The following ACACA variants were observed in gnomAD, a reference collection of about 807,000 sequenced individuals.
ACACA encodes acetyl-CoA carboxylase 1.
Under a neutral mutation model 296.1 loss-of-function variants are expected in ACACA, and 103 were observed. The ratio of observed to expected loss-of-function variants is 0.35; its 90% CI spans 0.30 to 0.41. The LOEUF (loss-of-function observed/expected upper bound fraction) is 0.41, where lower values mean the gene tolerates loss of function less well. Among genes scored for constraint, ACACA ranks in the 10% least tolerant of loss-of-function variants. The pLI is 1.00. For synonymous variants in ACACA, 953 were observed against 1,038.6 expected (o/e 0.92, Z 1.58); for missense variants, 1,554 against 2,989.7 (o/e 0.52, Z 11.20).
chr17:37,110,261 C>A (rs2073909417), intron 52 of ACACA, among the ~76,000 whole-genome samples: 1 of 152,206 alleles, frequency 6.6e-6, no homozygotes, highest in Non-Finnish European at 1.5e-5. Flanking sequence ...GTGGCTGAAG[C>A]TTTTAGAGCT....
chr17:37,406,287 T>A lies in ACACA; in HGVS notation c.13A>T (p.Thr5Ser), dbSNP rs754414174. The stretch of plus-strand genomic sequence containing the variant: ...CTAGCCCTCAAGATTGACATCAGAG[T>A]AGACCACCACATCCTCTCATCATTG... The part of the protein sequence containing the change: MWWS[T>S]LMSILRARSF... Residue 5 changes from threonine to serine, a missense_variant, in exon 1 of 56, where the codon ACT becomes TCT. Coordinates refer to ENST00000616317, the MANE Select transcript of ACACA (RefSeq NM_198834.3). The A allele has an allele frequency of 1.2e-6, 2 of 1,613,806 alleles. No homozygotes were observed. Among genetic ancestry groups the A allele is most frequent in the East Asian group, 4.5e-5 (2 of 44,880 alleles).
At chr17:37,335,586 C>T (rs2048080889) in intron 2 of ACACA, among the ~76,000 whole-genome samples, 1 of 152,158 alleles carries the variant, frequency 6.6e-6, no homozygotes, top group Non-Finnish European at 1.5e-5. Context: ...AAGATTTATA[C>T]AATCATGTCA....
chr17:37,265,290 C>T (rs987879082), intron 10 of ACACA, among the ~76,000 whole-genome samples: 2 of 152,116 alleles, frequency 1.3e-5, no homozygotes, highest in Admixed American at 1.3e-4. Context: ...GAGTTATTGT[C>T]GCCATCTCTT....
At chr17:37,112,177 G>A (rs77283061) in intron 51 of ACACA, among the ~76,000 whole-genome samples, 2,634 of 151,970 alleles carry the variant, frequency 0.017, 85 homozygotes, top group African/African-American at 0.061. Context: ...TCTGCCCAGC[G>A]CTATGGAAAT....
chr17:37,260,296 A>ATATT (rs2081443114), intron 11 of ACACA, among the ~76,000 whole-genome samples: 5 of 18,980 alleles, frequency 2.6e-4, no homozygotes, highest in Admixed American at 1.2e-3. Context: ...ATATATATAT[A>ATATT]TTTTTTTTTT....
At chr17:37,250,043 A>G (rs1263180371) in intron 16 of ACACA, among the ~76,000 whole-genome samples, 1 of 152,174 alleles carries the variant, frequency 6.6e-6, no homozygotes, top group Non-Finnish European at 1.5e-5. Flanking sequence ...GCCTTCCGCC[A>G]TGATTGTGAG....
At chr17:37,196,519 A>G (rs2078005087) in intron 35 of ACACA, among the ~76,000 whole-genome samples, 1 of 152,180 alleles carries the variant, frequency 6.6e-6, no homozygotes, top group South Asian at 2.1e-4. Context: ...TTGATTTAGA[A>G]TCTTATCATG....
intron 1 of ACACA, among the ~76,000 whole-genome samples, chr17:37,390,312 A>ATC: frequency 2.3e-5 from 1 of 42,882 alleles, no homozygotes; most frequent in African/African-American, 1.5e-4. Context: ...AATTATATAT[A>ATC]TATATATATA....
chr17:37,252,447 T>C (rs73982282), intron 15 of ACACA, among the ~76,000 whole-genome samples: 1 of 152,180 alleles, frequency 6.6e-6, no homozygotes, highest in Non-Finnish European at 1.5e-5. Flanking sequence ...AAACGGTGTA[T>C]AGCCAAAATT....
rs758021779 is a variant in ACACA at position 37,339,825 on chromosome 17, G to A, written c.64C>T (p.Gln22Ter). The A allele has an allele frequency of 1.4e-6, 2 of 1,386,598 alleles. No homozygotes were observed. Among genetic ancestry groups the A allele is most frequent in the Non-Finnish European group, 1.0e-6 (1 of 982,354 alleles). 85.9% of individuals were successfully genotyped at this position (1,386,598 alleles called of 1,614,324 possible). A position where few individuals can be genotyped will look rare whatever the true frequency, so the allele number is the denominator to read the frequency against. The change falls in exon 2 of 56, where the codon CAG becomes TAG. Residue 22 changes from glutamine (Q) to a stop codon, truncating the protein, a stop_gained. Coordinates refer to ENST00000616317, the MANE Select transcript of ACACA (RefSeq NM_198834.3). LOFTEE classifies it high-confidence loss of function. ...TGACCTCTTATAATTCTTACTGTCT[G>A]AGTAGATATCCACTTCCAAAAAGAC... is the stretch of plus-strand genomic sequence containing the variant. ...ARSFWKWIST[Q>*]TVRIIRAVRA...
chr17:37,259,580 C>T (rs1460227471), intron 11 of ACACA, 50 bp from the exon 12 acceptor site: 10 of 1,602,042 alleles, frequency 6.2e-6, no homozygotes, highest in Admixed American at 5.0e-5. Context: ...TATCCAACTG[C>T]TAGACCACTA....
intron 54 of ACACA, among the ~76,000 whole-genome samples, chr17:37,095,771 A>ATATAT (rs1157653837): frequency 1.3e-5 from 2 of 152,254 alleles, no homozygotes; most frequent in Non-Finnish European, 2.9e-5. Context: ...ATTAATTACT[A>ATATAT]ATAAAGGTTA....
rs2080796203 is a variant in ACACA, at chr17:37,247,926, G to A, written c.2309+85C>T. On this transcript the variant is annotated intron_variant, in intron 18 of 55. Coordinates refer to ENST00000616317, the MANE Select transcript of ACACA (RefSeq NM_198834.3). ...TAACTACAAATGAGTACCAAGAAAA[G>A]CCTGGGAAAATCCCAAGAGCTAGTA... The A allele has an allele frequency of 4.5e-6, 7 of 1,541,138 alleles. No individual in the cohort carries two copies. In the Admixed American group the frequency reaches 1.0e-4, roughly 22 times the overall value.
Position 37,206,818 on chromosome 17 carries a change from CAG to C in ACACA, c.3911_3912del (p.Pro1304ArgfsTer9). On this transcript the variant is annotated frameshift_variant, in exon 32 of 56. Transcript: ENST00000616317. LOFTEE classifies it high-confidence loss of function. The part of the protein sequence containing the change: ...SDSPPQSPTF[P>X]EAGHTSLYDE... ...TCATAAAGAGACGTGTGACCTGCCT[CAG>C]GGAATGTGGGACTCTGGGGTGGGGA... The C allele has an allele frequency of 6.2e-7, 1 of 1,613,718 alleles. No individual in the cohort carries two copies. The highest frequency in any genetic ancestry group is 8.5e-7 in the Non-Finnish European group (1 of 1,179,668).
chr17:37,236,510 T>C (rs1273110296), intron 24 of ACACA, among the ~76,000 whole-genome samples: 1 of 151,682 alleles, frequency 6.6e-6, no homozygotes, highest in Non-Finnish European at 1.5e-5. Context: ...AGATCCTGCA[T>C]ACCAAGACAC....
chr17:37,263,991 AG>A (rs1456983337), intron 10 of ACACA, 97 bp from the exon 11 acceptor site: 1 of 953,194 alleles, frequency 1.0e-6, no homozygotes, highest in African/African-American at 1.6e-5. Context: ...GCAGATGTCC[AG>A]AAGTGTCAGG....
chr17:37,122,209 T>C (rs2074560377), intron 49 of ACACA, among the ~76,000 whole-genome samples: 1 of 152,198 alleles, frequency 6.6e-6, no homozygotes, highest in Admixed American at 6.5e-5. Context: ...CTTCCATGTG[T>C]ATACTCAGAG....
intron 1 of ACACA, chr17:37,389,378 G>A: frequency 6.4e-7 from 1 of 1,562,776 alleles, no homozygotes; most frequent in Non-Finnish European, 8.7e-7. Context: ...TGTTCTCTGT[G>A]TGGTTTATGT....
At chr17:37,120,529 T>G (rs981296620) in intron 50 of ACACA, among the ~76,000 whole-genome samples, 1 of 152,092 alleles carries the variant, frequency 6.6e-6, no homozygotes, top group Non-Finnish European at 1.5e-5. Context: ...CCTCCCAAAG[T>G]GCTGGGATTA....
Sources: allele counts gnomAD v4.1 joint callset (sites outside exome capture counted in the v4.1 genomes callset), GRCh38; gene constraint gnomAD v4.1.1; transcripts MANE v1.5; gene names NCBI Gene and HGNC (gene_info 2026-07-23, HGNC 2026-07-21).